The following PHIP variants were observed in gnomAD, a reference collection of about 807,000 sequenced individuals.
PHIP encodes the protein PHIP subunit of CUL4-Ring ligase complex, also known as PH-interacting protein.
A neutral mutation model predicts 236.8 loss-of-function variants in PHIP; 54 were observed. The observed-to-expected ratio is 0.23, with a 90% CI of 0.18 to 0.29. The LOEUF (loss-of-function observed/expected upper bound fraction) is 0.29, where lower values mean the gene tolerates loss of function less well. PHIP is among the 10% of genes least tolerant of loss of function. The pLI, the probability that PHIP is intolerant of heterozygous loss-of-function variation, is 1.00. For synonymous variants in PHIP, 756 were observed against 718.9 expected, an observed-to-expected ratio of 1.05 and a Z score of -0.83; for missense variants, 1,370 against 2,190.8, an observed-to-expected ratio of 0.63 and a Z score of 7.48.
chr6:79,025,687 G>T, intron 8 of PHIP, 68 bp from the exon 9 acceptor site: 2 of 1,046,626 alleles, frequency 1.9e-6, no homozygotes, highest in Non-Finnish European at 2.9e-6. Flanking sequence ...TCTACTTTTT[G>T]CCATACAAAT....
chr6:78,998,910 T>C (rs1175430360), intron 17 of PHIP, among the ~76,000 whole-genome samples: 1 of 152,100 alleles, frequency 6.6e-6, no homozygotes, highest in Admixed American at 6.6e-5. Context: ...ATAAGGGACA[T>C]GAAGATCCCT....
At chr6:78,965,609 A>C in intron 29 of PHIP, 94 bp downstream of exon 29, 3 of 717,202 alleles carry the variant, frequency 4.2e-6, no homozygotes, top group Non-Finnish European at 4.9e-6. Context: ...TTTGATACTC[A>C]CAACTGTAAG....
chr6:79,012,511 T>A (rs183159679), intron 15 of PHIP, among the ~76,000 whole-genome samples: 1 of 151,860 alleles, frequency 6.6e-6, no homozygotes, highest in African/African-American at 2.4e-5. Context: ...AAGCACTATA[T>A]ATGACTAGAC....
intron 15 of PHIP, among the ~76,000 whole-genome samples, chr6:79,008,011 G>C (rs1018420005): frequency 6.6e-6 from 1 of 152,016 alleles, no homozygotes; most frequent in Non-Finnish European, 1.5e-5. Context: ...AAATTAGCTG[G>C]GTGTGGTGGC....
intron 15 of PHIP, among the ~76,000 whole-genome samples, chr6:79,014,084 T>TTTTTTTTTTTTTTTG (rs1192416098): frequency 4.0e-5 from 6 of 151,474 alleles, no homozygotes; most frequent in East Asian, 1.9e-4. Context: ...CCTTATTTCT[T>TTTTTTTTTTTTTTTG]ACCTAATGTA....
chr6:79,056,116 G>T (rs763552451), intron 6 of PHIP, among the ~76,000 whole-genome samples: 1 of 152,118 alleles, frequency 6.6e-6, no homozygotes, highest in African/African-American at 2.4e-5. Flanking sequence ...CTGTCCTCCA[G>T]GACCTAACAG....
At chr6:79,057,041 A>T (rs949983299) in intron 6 of PHIP, among the ~76,000 whole-genome samples, 1 of 152,196 alleles carries the variant, frequency 6.6e-6, no homozygotes, top group Non-Finnish European at 1.5e-5. Context: ...AATCTAAAAT[A>T]AAATTATCTC....
chr6:79,071,393 T>A (rs1773876982), intron 4 of PHIP, among the ~76,000 whole-genome samples: 1 of 152,224 alleles, frequency 6.6e-6, no homozygotes, highest in African/African-American at 2.4e-5. Context: ...ATAACATTAT[T>A]CACTGCAAAG....
At chr6:79,063,806 CAG>C (rs758386526) in intron 4 of PHIP, among the ~76,000 whole-genome samples, 1 of 152,118 alleles carries the variant, frequency 6.6e-6, no homozygotes, top group Non-Finnish European at 1.5e-5. Context: ...TAAAGGTACT[CAG>C]AAAGTATCTT....
At chr6:78,963,730 GA>G (rs1463240150) in intron 29 of PHIP, among the ~76,000 whole-genome samples, 1 of 152,184 alleles carries the variant, frequency 6.6e-6, no homozygotes, top group Non-Finnish European at 1.5e-5. Flanking sequence ...CATAAATTAT[GA>G]AGGTATGCTT....
intron 24 of PHIP, 110 bp from the exon 25 acceptor site, chr6:78,970,998 G>T: frequency 1.4e-6 from 1 of 692,068 alleles, no homozygotes; most frequent in Admixed American, 3.4e-5. Context: ...TCAGCTAATA[G>T]AAATTCTAAT....
At chr6:79,055,803 T>C (rs992431042) in intron 6 of PHIP, among the ~76,000 whole-genome samples, 2 of 152,220 alleles carry the variant, frequency 1.3e-5, no homozygotes, top group Non-Finnish European at 2.9e-5. Flanking sequence ...TCTCAAATTG[T>C]ATAGGTATGT....
intron 15 of PHIP, among the ~76,000 whole-genome samples, chr6:79,014,267 AATTT>A (rs1258678184): frequency 5.3e-5 from 8 of 151,730 alleles, no homozygotes; most frequent in Non-Finnish European, 8.9e-5. Context: ...TTTGTGAAAT[AATTT>A]ATTTGGCAAA....
At chr6:79,031,715 G>A (rs904540678) in intron 7 of PHIP, among the ~76,000 whole-genome samples, 4 of 152,172 alleles carry the variant, frequency 2.6e-5, no homozygotes, top group African/African-American at 9.7e-5. Flanking sequence ...AACAGCATCA[G>A]ATATTTACTT....
At chr6:79,077,298 G>A in intron 4 of PHIP, 150 bp downstream of exon 4, 1 of 742,762 alleles carries the variant, frequency 1.3e-6, no homozygotes, top group Non-Finnish European at 2.4e-6. Flanking sequence ...GGCCCCCGCA[G>A]ACCCCGCGCC....
intron 10 of PHIP, among the ~76,000 whole-genome samples, chr6:79,017,916 T>C (rs768834605): frequency 6.6e-6 from 1 of 151,966 alleles, no homozygotes; most frequent in Non-Finnish European, 1.5e-5. Flanking sequence ...CTGAAATTTT[T>C]CTGTTGTCTC....
At chr6:78,967,922 C>G (rs1002523043) in intron 27 of PHIP, among the ~76,000 whole-genome samples, 3 of 151,850 alleles carry the variant, frequency 2.0e-5, no homozygotes, top group African/African-American at 7.3e-5. Context: ...ATCACAAGGT[C>G]AGGAGATCAA....
chr6:78,950,200 T>C (rs1428938106), intron 35 of PHIP, among the ~76,000 whole-genome samples: 1 of 152,254 alleles, frequency 6.6e-6, no homozygotes, highest in African/African-American at 2.4e-5. Context: ...GGTTTTTGAA[T>C]ACTGAACCAT....
chr6:78,967,601 C>T (rs887556040), intron 27 of PHIP, among the ~76,000 whole-genome samples: 3 of 151,956 alleles, frequency 2.0e-5, no homozygotes, highest in Non-Finnish European at 2.9e-5. Context: ...ATGCATATAT[C>T]CTCAGATATA....
Sources: gnomAD v4.1 joint callset for allele counts (sites outside exome capture counted in the v4.1 genomes callset) on GRCh38, gnomAD v4.1.1 for gene constraint, MANE v1.5 for transcripts, NCBI Gene and HGNC (gene_info 2026-07-23, HGNC 2026-07-21) for gene names.